Variants in FREM3 observed in about 807,000 individuals in gnomAD.
The protein encoded by FREM3 is FRAS1-related extracellular matrix protein 3.
In FREM3, 105 loss-of-function variants were observed where a neutral mutation model predicts 129.1. The ratio of observed to expected loss-of-function variants is 0.81; its 90% CI spans 0.69 to 0.96. The LOEUF is 0.96. Among genes scored for constraint, FREM3 ranks in the 40% least tolerant of loss-of-function variants. The pLI is 0.00. For synonymous variants in FREM3, 1,014 were observed against 1,044.9 expected (o/e 0.97, Z 0.57); for missense variants, 2,593 against 2,666.3 (o/e 0.97, Z 0.61).
In FREM3 at chr4:143,660,545, T is replaced by A. The variant is rs1010365282; in HGVS notation, c.5275+32568A>T. ...TGCCTCCAGCTTTGTTCTTTTGGCT[T>A]AGGATTGACTTGGCGATGCGGGCTC... On this transcript the variant is annotated intron_variant, in intron 2 of 7. Coordinates refer to ENST00000329798, the MANE Select transcript of FREM3 (RefSeq NM_001168235.2). 1.8e-4 allele frequency among the ~76,000 whole-genome samples: 28 copies of A among 152,304 alleles called. No individual in the cohort carries two copies. The East Asian group carries it at 2.7e-3, about 15-fold the overall frequency.
At chr4:143,625,424 G>C (rs1296380705) in intron 3 of FREM3, among the ~76,000 whole-genome samples, 2 of 152,194 alleles carry the variant, frequency 1.3e-5, no homozygotes, top group African/African-American at 4.8e-5. Context: ...TCTGAAACTT[G>C]TAAAAGATAC....
intron 2 of FREM3, among the ~76,000 whole-genome samples, chr4:143,639,109 A>G (rs1016531293): frequency 6.6e-6 from 1 of 152,172 alleles, no homozygotes; most frequent in Admixed American, 6.6e-5. Context: ...TAGAAAACAG[A>G]ATTTTCCTAA....
intron 3 of FREM3, among the ~76,000 whole-genome samples, chr4:143,625,164 A>G (rs542929965): frequency 2.0e-5 from 3 of 152,162 alleles, no homozygotes; most frequent in Non-Finnish European, 4.4e-5. Flanking sequence ...ATCAAGACTA[A>G]ATAGACCTTC....
At chr4:143,638,472 T>C (rs997899063) in intron 2 of FREM3, among the ~76,000 whole-genome samples, 1 of 152,054 alleles carries the variant, frequency 6.6e-6, no homozygotes, top group Non-Finnish European at 1.5e-5. Context: ...GAGAAAACAA[T>C]ATAATATAAT....
intron 7 of FREM3, among the ~76,000 whole-genome samples, chr4:143,581,043 C>G (rs931195540): frequency 6.6e-6 from 1 of 152,176 alleles, no homozygotes; most frequent in African/African-American, 2.4e-5. Context: ...TGCTCCACAA[C>G]CCCAGCTCCT....
At chr4:143,603,721 C>T (rs1378322697) in intron 6 of FREM3, among the ~76,000 whole-genome samples, 2 of 152,140 alleles carry the variant, frequency 1.3e-5, no homozygotes, top group African/African-American at 4.8e-5. Context: ...AAATGTAACA[C>T]CTGTCACATC....
chr4:143,693,585 G>A (rs1185516088), intron 1 of FREM3, among the ~76,000 whole-genome samples: 2 of 152,158 alleles, frequency 1.3e-5, no homozygotes, highest in African/African-American at 4.8e-5. Flanking sequence ...CAACCCAGCA[G>A]TCCCATTACT....
At chr4:143,687,641 A>C (rs1740392724) in intron 2 of FREM3, among the ~76,000 whole-genome samples, 2 of 152,190 alleles carry the variant, frequency 1.3e-5, no homozygotes, top group South Asian at 4.1e-4. Flanking sequence ...AAATCCAACA[A>C]TATATCAAAA....
At position 143,656,064 on chromosome 4, in the gene FREM3, G is replaced by C. The variant is rs1176813599; in HGVS notation, c.5276-28304C>G. ...ATCTCAGGCATAGGTTATTGAATCT[G>C]TCTAATGTATTGCAGTAAAAATTTC... is the stretch of plus-strand genomic sequence containing the variant. On this transcript the variant is annotated intron_variant, in intron 2 of 7. Coordinates refer to ENST00000329798, the MANE Select transcript of FREM3 (RefSeq NM_001168235.2). Among the ~76,000 whole-genome samples the C allele has an allele frequency of 2.6e-5, 4 of 152,272 alleles. No homozygotes were observed. The East Asian group carries it at 7.7e-4, about 29-fold the overall frequency.
chr4:143,652,141 CCTTT>C (rs1243332001), intron 2 of FREM3, among the ~76,000 whole-genome samples: 1 of 92,968 alleles, frequency 1.1e-5, no homozygotes, highest in Non-Finnish European at 2.3e-5. Context: ...TGGTCTTTTT[CCTTT>C]CTTTTTTTTT....
In FREM3 at chr4:143,697,609, C is replaced by T. The variant is rs1382249722; in HGVS notation, c.3067G>A (p.Ala1023Thr). Residue 1023 changes from alanine to threonine, a missense_variant, in exon 1 of 8, where the codon GCA becomes ACA. Coordinates refer to ENST00000329798, the MANE Select transcript of FREM3 (RefSeq NM_001168235.2). Reference protein sequence around the residue: ...INGRVAYAHTAGEVGFQKQHD... With the variant: ...INGRVAYAHTTGEVGFQKQHD... The stretch of plus-strand genomic sequence containing the variant: ...TGCTTTTGAAAACCAACTTCACCTG[C>T]AGTGTGGGCATAGGCTACTCTCCCA... The T allele has an allele frequency of 6.5e-7, 1 of 1,537,758 alleles. No homozygotes were observed. Among genetic ancestry groups the T allele is most frequent in the African/African-American group, 1.4e-5 (1 of 73,154 alleles).
intron 2 of FREM3, among the ~76,000 whole-genome samples, chr4:143,678,956 G>C (rs950190906): frequency 2.6e-5 from 4 of 152,080 alleles, no homozygotes; most frequent in African/African-American, 9.7e-5. Context: ...GTATAAAAAG[G>C]ATGCACATAT....
chr4:143,623,193 T>A (rs1738984658), intron 4 of FREM3, among the ~76,000 whole-genome samples: 1 of 151,900 alleles, frequency 6.6e-6, no homozygotes, highest in South Asian at 2.1e-4. Flanking sequence ...TATAGGAGAG[T>A]TTCTCAGAAT....
At chr4:143,660,509 G>A (rs1210981967) in intron 2 of FREM3, among the ~76,000 whole-genome samples, 15 of 152,080 alleles carry the variant, frequency 9.9e-5, no homozygotes, top group Non-Finnish European at 1.6e-4. Context: ...GTTTGAAGTC[G>A]AGTAGCGTGA....
At chr4:143,649,056 A>G (rs191231561) in intron 2 of FREM3, among the ~76,000 whole-genome samples, 15 of 152,336 alleles carry the variant, frequency 9.8e-5, no homozygotes, top group Admixed American at 9.8e-4. Flanking sequence ...AAACTACCAA[A>G]GCTGGCCAGC....
chr4:143,608,512 T>A (rs867268744), intron 6 of FREM3, among the ~76,000 whole-genome samples: 6 of 152,170 alleles, frequency 3.9e-5, no homozygotes, highest in Non-Finnish European at 7.4e-5. Flanking sequence ...TTCTAATTGT[T>A]AGGTAAAGAG....
chr4:143,657,044 G>T (rs1031096405), intron 2 of FREM3, among the ~76,000 whole-genome samples: 2 of 152,078 alleles, frequency 1.3e-5, no homozygotes, highest in African/African-American at 4.8e-5. Flanking sequence ...AAAATCCAAA[G>T]CATTGTTTAT....
At chr4:143,603,212 A>G (rs774625024) in intron 6 of FREM3, among the ~76,000 whole-genome samples, 3 of 152,144 alleles carry the variant, frequency 2.0e-5, no homozygotes, top group Non-Finnish European at 2.9e-5. Context: ...TGACTCTGAC[A>G]GGCCATGGAC....
intron 2 of FREM3, among the ~76,000 whole-genome samples, chr4:143,637,438 T>C (rs1233282762): frequency 2.0e-5 from 3 of 152,126 alleles, no homozygotes; most frequent in Middle Eastern, 3.2e-3. Context: ...GTCTTATTGG[T>C]TGAAATTTGC....
Sources: allele counts gnomAD v4.1 joint callset (sites outside exome capture counted in the v4.1 genomes callset), GRCh38; gene constraint gnomAD v4.1.1; transcripts MANE v1.5; gene names NCBI Gene and HGNC (gene_info 2026-07-23, HGNC 2026-07-21).